WLS: variants seen among roughly 807,000 people sequenced by gnomAD.
WLS encodes the protein protein wntless homolog.
In WLS, 23 loss-of-function variants were observed where a neutral mutation model predicts 62.8. The observed-to-expected ratio is 0.37, with a 90% CI of 0.26 to 0.52. WLS has a LOEUF of 0.52. WLS is among the 20% of genes least tolerant of loss of function. The probability of loss-of-function intolerance (pLI) is 0.92; values close to 1 mark genes in which losing one functional copy is unlikely to be tolerated. For missense variants in WLS, 615 were observed against 697.3 expected (o/e 0.88, Z 1.33); for synonymous variants, 246 against 244.1 (o/e 1.01, Z -0.07).
chr1:68,198,617 T>C (rs1648813001), intron 1 of WLS, among the ~76,000 whole-genome samples: 1 of 152,134 alleles, frequency 6.6e-6, no homozygotes. Flanking sequence ...GTATCTACCA[T>C]GCACTAGACA....
chr1:68,193,444 G>C (rs868328878), intron 2 of WLS, among the ~76,000 whole-genome samples: 1 of 35,650 alleles, frequency 2.8e-5, no homozygotes. Context: ...AAAAAAAAAC[G>C]AAAAAAAAAC....
At chr1:68,107,125 AAAT>A (rs1049880031) in intron 11 of WLS, among the ~76,000 whole-genome samples, 37 of 152,166 alleles carry the variant, frequency 2.4e-4, no homozygotes, top group African/African-American at 8.0e-4. Context: ...TTATTTATGA[AAAT>A]AAGACAAAAT....
intron 2 of WLS, among the ~76,000 whole-genome samples, chr1:68,167,062 A>G (rs943088227): frequency 1.3e-5 from 2 of 152,236 alleles, no homozygotes; most frequent in Non-Finnish European, 2.9e-5. Flanking sequence ...GGTCAATCTT[A>G]GCAGACCTGG....
Position 68,232,384 on chromosome 1 carries a change from T to G in WLS, c.-85A>C. ...CTCCCTCCTCTCACACACTCCCTCC[T>G]TCCTCGCCTCCTTTCTGGGCGCTGC... On this transcript the variant is annotated 5_prime_UTR_variant, in exon 1 of 12. Transcript: ENST00000262348. The G allele has an allele frequency of 4.6e-6, 7 of 1,508,814 alleles. No homozygotes were observed. The highest frequency in any genetic ancestry group is 2.5e-5 in the East Asian group (1 of 40,218). 93.5% of individuals were successfully genotyped at this position (1,508,814 alleles called of 1,614,324 possible).
At chr1:68,147,385 C>T (rs1326955392) in intron 8 of WLS, among the ~76,000 whole-genome samples, 3 of 152,122 alleles carry the variant, frequency 2.0e-5, no homozygotes, top group Admixed American at 6.5e-5. Flanking sequence ...GTTCTTGTGA[C>T]ACTGAGAAAC....
chr1:68,211,864 C>A (rs895466213), intron 1 of WLS, among the ~76,000 whole-genome samples: 2 of 152,182 alleles, frequency 1.3e-5, no homozygotes, highest in African/African-American at 4.8e-5. Flanking sequence ...ATTCCTTTAT[C>A]TAGTGAAGTT....
chr1:68,175,079 G>C (rs1389005449), intron 2 of WLS, among the ~76,000 whole-genome samples: 1 of 152,168 alleles, frequency 6.6e-6, no homozygotes, highest in Admixed American at 6.5e-5. Flanking sequence ...CCATCAAAGA[G>C]GCCTACTGGC....
At chr1:68,129,416 A>G (rs1191401466) in intron 11 of WLS, among the ~76,000 whole-genome samples, 1 of 152,268 alleles carries the variant, frequency 6.6e-6, no homozygotes, top group Non-Finnish European at 1.5e-5. Context: ...TAGCATATAA[A>G]TCAGTGCACT....
At chr1:68,153,709 T>A in intron 4 of WLS, 56 bp from the exon 5 acceptor site, 5 of 1,608,588 alleles carry the variant, frequency 3.1e-6, no homozygotes, top group Non-Finnish European at 4.3e-6. Flanking sequence ...CATTTCCTTC[T>A]ACTAGCAAAT....
rs142773990 is a variant in WLS, at chr1:68,101,375, G to A, written c.1511-2622C>T. Among the ~76,000 whole-genome samples, 242 of 152,246 alleles carry A rather than the reference G, an allele frequency of 1.6e-3. 1 individual carries two copies. Among genetic ancestry groups the A allele is most frequent in the African/African-American group, 4.5e-3 (185 of 41,540 alleles). On this transcript the variant is annotated intron_variant, in intron 11 of 11. Coordinates refer to the WLS transcript ENST00000354777. ...GAGAAATAGTTTTCCTTTGCTCTTT[G>A]AAGAAAGGAGGCCGCCCCAGAAAGG...
intron 1 of WLS, 110 bp from the exon 2 acceptor site, chr1:68,194,337 A>G: frequency 7.2e-7 from 1 of 1,383,810 alleles, no homozygotes; most frequent in Non-Finnish European, 9.6e-7. Flanking sequence ...ATCGCCTTCT[A>G]CAAGTGGGGC....
At chr1:68,113,017 G>A (rs149239260) in intron 11 of WLS, among the ~76,000 whole-genome samples, 2 of 152,284 alleles carry the variant, frequency 1.3e-5, no homozygotes, top group East Asian at 1.9e-4. Flanking sequence ...GGCTTGGAAC[G>A]CCTTGGCCCC....
intron 11 of WLS, among the ~76,000 whole-genome samples, chr1:68,106,184 T>G (rs953737046): frequency 1.3e-5 from 2 of 152,200 alleles, no homozygotes; most frequent in Non-Finnish European, 2.9e-5. Flanking sequence ...CCATAATATA[T>G]ATACTCTGGA....
At chr1:68,134,015 G>A (rs1646569802) in intron 11 of WLS, among the ~76,000 whole-genome samples, 1 of 152,210 alleles carries the variant, frequency 6.6e-6, no homozygotes, top group Non-Finnish European at 1.5e-5. Flanking sequence ...AAGAAATAGG[G>A]AGGGAAAGGC....
chr1:68,210,392 T>A (rs1649465885), intron 1 of WLS, among the ~76,000 whole-genome samples: 1 of 152,310 alleles, frequency 6.6e-6, no homozygotes, highest in African/African-American at 2.4e-5. Context: ...GAAGCATACA[T>A]TCAAGATTAT....
chr1:68,153,919 T>C (rs17482018), intron 4 of WLS, among the ~76,000 whole-genome samples: 21,651 of 152,152 alleles, frequency 0.14, 1,916 homozygotes, highest in Admixed American at 0.2. Flanking sequence ...ACGGCTTTCA[T>C]GTTCTGGGGT....
intron 9 of WLS, among the ~76,000 whole-genome samples, chr1:68,145,225 G>A (rs2052960): frequency 0.34 from 51,460 of 152,022 alleles, 9,505 homozygotes; most frequent in Non-Finnish European, 0.42. Context: ...CTGAGGTTCT[G>A]TAGTTTCTGC....
intron 1 of WLS, among the ~76,000 whole-genome samples, chr1:68,207,409 AC>A (rs1240502689): frequency 2.0e-5 from 3 of 152,250 alleles, no homozygotes; most frequent in Non-Finnish European, 4.4e-5. Flanking sequence ...CATAGCATAC[AC>A]TTCTAAGCCA....
intron 2 of WLS, among the ~76,000 whole-genome samples, chr1:68,184,950 CA>C (rs201253666): frequency 6.6e-6 from 1 of 151,478 alleles, no homozygotes; most frequent in East Asian, 1.9e-4. Flanking sequence ...AACAAGCAAA[CA>C]AAAAAAACAC....
Sources: allele counts gnomAD v4.1 joint callset (sites outside exome capture counted in the v4.1 genomes callset), GRCh38; gene constraint gnomAD v4.1.1; transcripts MANE v1.5; gene names NCBI Gene and HGNC (gene_info 2026-07-23, HGNC 2026-07-21).